PLD1: variants seen among roughly 807,000 people sequenced by gnomAD.
PLD1 encodes choline phosphatase 1.
In PLD1, 112 loss-of-function variants were observed where a neutral mutation model predicts 137.1. That is an observed-to-expected ratio of 0.82 (90% confidence interval 0.70 to 0.96). The LOEUF is 0.96. Ranked by LOEUF, PLD1 falls within the 40% of genes least tolerant of loss-of-function variation. The pLI is 0.00. For missense variants in PLD1, 1,321 were observed against 1,342.0 expected (o/e 0.98, Z 0.24); for synonymous variants, 431 against 454.7 (o/e 0.95, Z 0.66).
Position 171,735,553 on chromosome 3 carries a change from C to G in PLD1, c.373G>C (p.Glu125Gln), listed in dbSNP as rs775834891. ...QVKRKFKHFQ[E>Q]FHRELLKYKA... ...TACTTGAGCAGCTCTCTGTGAAATTCTTGAAAATGCTTGAATTTCCTCTTA... is the reference window on the plus strand; with the variant it reads ...TACTTGAGCAGCTCTCTGTGAAATTGTTGAAAATGCTTGAATTTCCTCTTA... Residue 125 changes from glutamate (E) to glutamine (Q), a missense_variant, in exon 4 of 27, where the codon GAA becomes CAA. Transcript: ENST00000351298. 6.2e-7 allele frequency: 1 copy of G among 1,607,984 alleles called. No homozygotes were observed.
chr3:171,684,140 G>A (rs1714307705), intron 16 of PLD1, among the ~76,000 whole-genome samples: 1 of 152,122 alleles, frequency 6.6e-6, no homozygotes, highest in Non-Finnish European at 1.5e-5. Context: ...TCACCACTGT[G>A]GATATCACCT....
At chr3:171,690,998 G>A (rs1715101110) in intron 13 of PLD1, among the ~76,000 whole-genome samples, 1 of 151,998 alleles carries the variant, frequency 6.6e-6, no homozygotes, top group South Asian at 2.1e-4. Context: ...CTGTTATTAG[G>A]TACATAAATA....
At chr3:171,615,655 A>G (rs548764986) in intron 24 of PLD1, among the ~76,000 whole-genome samples, 1 of 152,264 alleles carries the variant, frequency 6.6e-6, no homozygotes, top group Admixed American at 6.5e-5. Context: ...GTCCTTTGAG[A>G]TTTGCTTCTT....
Position 171,737,955 on chromosome 3 carries a change from G to A in PLD1, c.97C>T (p.Leu33Phe), listed in dbSNP as rs757424145. ...TCTACCTCCTCTCCCTCAAAGTGGA[G>A]TTCCCGCGTGTCCAGATTTTCTATG... The part of the protein sequence containing the change: ...NIIENLDTRE[L>F]HFEGEEVDYD... Residue 33 changes from leucine to phenylalanine, a missense_variant, in exon 2 of 27, where the codon CTC becomes TTC. Leu to Phe is a conservative substitution (Grantham distance 22). Coordinates refer to ENST00000351298, the MANE Select transcript of PLD1 (RefSeq NM_002662.5). 1 of 1,613,984 alleles carries A rather than the reference G, an allele frequency of 6.2e-7. No homozygotes were observed. The highest frequency in any genetic ancestry group is 8.5e-7 in the Non-Finnish European group (1 of 1,179,954).
Position 171,733,469 on chromosome 3 carries a change from G to T in PLD1, c.581C>A (p.Pro194His). The change falls in exon 6 of 27, where the codon CCC (proline) becomes CAC (histidine). Residue 194 changes from proline (P) to histidine (H), a missense_variant. Physicochemically the swap from Pro to His is moderately conservative, Grantham distance 77 (BLOSUM62 -2). Transcript: ENST00000351298. ...EDYLTKILKM[P>H]MYRNYHATTE... ...TGTGGCATGATAGTTTCTATACATG[G>T]GCATTTTTAGTATCTTTGTCAAGTA... 6 of 1,362,192 alleles carry T rather than the reference G, an allele frequency of 4.4e-6. No individual in the cohort carries two copies. Among genetic ancestry groups the T allele is most frequent in the Non-Finnish European group, 6.3e-6 (6 of 954,620 alleles). 84.4% of individuals were successfully genotyped at this position (1,362,192 alleles called of 1,614,324 possible).
Position 171,724,796 on chromosome 3 carries a change from A to T in PLD1, c.666-8T>A. On this transcript the variant is annotated splice_polypyrimidine_tract_variant and splice_region_variant and intron_variant, in intron 7 of 26. Transcript: ENST00000351298. The stretch of plus-strand genomic sequence containing the variant: ...TTCATTATCATACCTTCTCTGAAAG[A>T]GACAGAAAATTAACCCATCACCTTC... 2 of 1,573,090 alleles carry T rather than the reference A, an allele frequency of 1.3e-6. No homozygotes were observed. Among genetic ancestry groups the T allele is most frequent in the Non-Finnish European group, 1.7e-6 (2 of 1,146,296 alleles).
chr3:171,652,496 T>C (rs181588081), intron 21 of PLD1, among the ~76,000 whole-genome samples: 1 of 152,252 alleles, frequency 6.6e-6, no homozygotes, highest in East Asian at 1.9e-4. Flanking sequence ...TCTTTTCAGT[T>C]TGGTACAAAA....
At chr3:171,779,966 G>C (rs1227433947) in intron 1 of PLD1, among the ~76,000 whole-genome samples, 3 of 151,422 alleles carry the variant, frequency 2.0e-5, no homozygotes, top group African/African-American at 7.3e-5. Context: ...GTTAGGATAT[G>C]TAAGTCTGAG....
At position 171,763,830 on chromosome 3, in the gene PLD1, CTTTTTTTTTTTTT is replaced by C. The variant is rs71178234; in HGVS notation, c.-31-25761_-31-25749del. Among the ~76,000 whole-genome samples the C allele has an allele frequency of 3.8e-3, 327 of 86,742 alleles. 1 individual carries two copies. The highest frequency in any genetic ancestry group is 0.013 in the African/African-American group (304 of 23,018). The allele number at this position is 86,742 out of a possible 152,430, so 56.9% of individuals were successfully genotyped here. A position where few individuals can be genotyped will look rare whatever the true frequency, so the allele number is the denominator to read the frequency against. On this transcript the variant is annotated intron_variant, in intron 1 of 26. Coordinates refer to ENST00000351298, the MANE Select transcript of PLD1 (RefSeq NM_002662.5). ...ATTATACAGCTTATTTTCTTTCTTT[CTTTTTTTTTTTTT>C]TTTTTTTTTGAGATAGAGTCTTGCT...
intron 25 of PLD1, among the ~76,000 whole-genome samples, chr3:171,610,797 A>G (rs573807549): frequency 8.5e-5 from 13 of 152,362 alleles, no homozygotes; most frequent in African/African-American, 3.1e-4. Flanking sequence ...AATGGTTTGA[A>G]AATCTTCTTA....
At chr3:171,674,750 C>T (rs562224111) in intron 18 of PLD1, 137 bp from the exon 19 acceptor site, 82 of 473,520 alleles carry the variant, frequency 1.7e-4, no homozygotes, top group African/African-American at 1.3e-3. Flanking sequence ...GGCCAAGAAG[C>T]GGGGATCACT....
chr3:171,648,093 A>G (rs1274057876), intron 21 of PLD1, among the ~76,000 whole-genome samples: 2 of 152,182 alleles, frequency 1.3e-5, no homozygotes, highest in Non-Finnish European at 2.9e-5. Context: ...GTATGTACAT[A>G]TCACATTCAT....
chr3:171,725,772 A>T (rs1205997285), intron 7 of PLD1, among the ~76,000 whole-genome samples: 1 of 152,230 alleles, frequency 6.6e-6, no homozygotes, highest in Admixed American at 6.5e-5. Context: ...GAACACTTCC[A>T]CTGTTGGGTT....
At chr3:171,715,722 CT>C (rs1717630403) in intron 8 of PLD1, among the ~76,000 whole-genome samples, 1 of 152,026 alleles carries the variant, frequency 6.6e-6, no homozygotes, top group Admixed American at 6.5e-5. Flanking sequence ...AAAAACTCCT[CT>C]GATTTCTTCC....
chr3:171,674,321 A>C (rs1438748935), intron 19 of PLD1, among the ~76,000 whole-genome samples, 179 bp downstream of exon 19: 1 of 152,246 alleles, frequency 6.6e-6, no homozygotes, highest in South Asian at 2.1e-4. Flanking sequence ...TTAAAAAGAG[A>C]CTGAATTGAA....
At chr3:171,648,557 CTT>C (rs201821154) in intron 21 of PLD1, among the ~76,000 whole-genome samples, 25 of 143,240 alleles carry the variant, frequency 1.7e-4, no homozygotes, top group Non-Finnish European at 1.5e-4. Flanking sequence ...AACATAGTTA[CTT>C]TTTTTTTTTT....
At chr3:171,784,802 T>C (rs1279511601) in intron 1 of PLD1, among the ~76,000 whole-genome samples, 1 of 152,210 alleles carries the variant, frequency 6.6e-6, no homozygotes, top group Non-Finnish European at 1.5e-5. Context: ...TCTGGTATCA[T>C]AGCTACCTAT....
intron 23 of PLD1, among the ~76,000 whole-genome samples, chr3:171,629,183 T>C (rs1208729071): frequency 4.0e-5 from 6 of 151,868 alleles, no homozygotes; most frequent in Admixed American, 3.9e-4. Context: ...ACAAAATCAA[T>C]GTACAAAAAT....
intron 21 of PLD1, among the ~76,000 whole-genome samples, chr3:171,657,873 C>T (rs541234152): frequency 2.0e-5 from 3 of 151,798 alleles, no homozygotes; most frequent in Non-Finnish European, 4.4e-5. Context: ...AGTAAAAAGA[C>T]AAGCCATCGA....
Sources: gnomAD v4.1 joint callset for allele counts (sites outside exome capture counted in the v4.1 genomes callset) on GRCh38, gnomAD v4.1.1 for gene constraint, MANE v1.5 for transcripts, NCBI Gene and HGNC (gene_info 2026-07-23, HGNC 2026-07-21) for gene names.